Variants in MYH6 observed in about 807,000 individuals in gnomAD.
MYH6 encodes the protein myosin-6.
MYH6 carries 126 observed loss-of-function variants against 223.2 expected under a neutral mutation model. The observed-to-expected ratio is 0.56, with a 90% CI of 0.49 to 0.65. The LOEUF (loss-of-function observed/expected upper bound fraction) is 0.65, where lower values mean the gene tolerates loss of function less well. Among genes scored for constraint, MYH6 ranks in the 30% least tolerant of loss-of-function variants. The pLI, the probability that MYH6 is intolerant of heterozygous loss-of-function variation, is 0.00. For synonymous variants in MYH6, 978 were observed against 1,010.2 expected, an observed-to-expected ratio of 0.97 and a Z score of 0.61; for missense variants, 2,040 against 2,536.4, an observed-to-expected ratio of 0.80 and a Z score of 4.20.
intron 25 of MYH6, among the ~76,000 whole-genome samples, chr14:23,392,236 G>C (rs976224512): frequency 2.0e-5 from 3 of 151,918 alleles, no homozygotes; most frequent in African/African-American, 4.8e-5. Flanking sequence ...GCGTTCAGAG[G>C]GCTGAACTAC....
chr14:23,407,308 C>T lies in MYH6; in HGVS notation c.-13-72G>A. 1.3e-6 allele frequency: 2 copies of T among 1,545,042 alleles called. No homozygotes were observed. Among genetic ancestry groups the T allele is most frequent in the Non-Finnish European group, 1.8e-6 (2 of 1,125,300 alleles). ...CTCCAGCGAGTGGCTTTGTCCTCTG[C>T]AGCCCCCCTCCCTACCCCCGCTCCT... is the stretch of plus-strand genomic sequence containing the variant. On this transcript the variant is annotated intron_variant, in intron 2 of 38. Transcript: ENST00000405093. This position sits in a 1 kb window ranked among gnomAD's most constrained non-coding sequence, Gnocchi z 5.6.
chr14:23,387,699 C>A, intron 31 of MYH6, 46 bp from the exon 32 acceptor site: 2 of 1,614,106 alleles, frequency 1.2e-6, no homozygotes, highest in Non-Finnish European at 1.7e-6. Flanking sequence ...GTTCCCCCTG[C>A]CCCTGCATGG....
rs749113806 is a variant in MYH6, at chr14:23,389,071, G to A, written c.3979-16C>T. The stretch of plus-strand genomic sequence containing the variant: ...CGTTCTTCGCCTGGGGAGGGGGGGG[G>A]GCACCAGGAGGTGGGAGGGACTCCC... On this transcript the variant is annotated splice_polypyrimidine_tract_variant and intron_variant, in intron 28 of 38. Coordinates refer to ENST00000405093, the MANE Select transcript of MYH6 (RefSeq NM_002471.4). 23 of 1,313,788 alleles carry A rather than the reference G, an allele frequency of 1.8e-5. No individual in the cohort carries two copies. The highest frequency in any genetic ancestry group is 1.1e-4 in the South Asian group (9 of 82,354). 81.4% of individuals were successfully genotyped at this position (1,313,788 alleles called of 1,614,324 possible). A position where few individuals can be genotyped will look rare whatever the true frequency, so the allele number is the denominator to read the frequency against.
chr14:23,389,747 G>C, intron 26 of MYH6, 28 bp from the exon 27 acceptor site: 3 of 1,614,200 alleles, frequency 1.9e-6, no homozygotes, highest in Non-Finnish European at 2.5e-6. Flanking sequence ...GGAAGGGTGA[G>C]TGTGGGAGGG....
Position 23,396,336 on chromosome 14 carries a change from G to A in MYH6, c.2377C>T (p.Gln793Ter). 2 of 1,614,144 alleles carry A rather than the reference G, an allele frequency of 1.2e-6. No homozygotes were observed. Among genetic ancestry groups the A allele is most frequent in the Non-Finnish European group, 1.7e-6 (2 of 1,180,040 alleles). ...LSRIITRMQAQARGQLMRIEF... is the reference protein window; with the variant it reads ...LSRIITRMQA ...ATGCGCATGAGCTGGCCCCGGGCTT[G>A]GGCCTGCATGCGCGTGATGATGCGG... Residue 793 changes from glutamine to a stop codon, truncating the protein, a stop_gained, in exon 20 of 39, where the codon CAA (glutamine) becomes TAA (stop). Coordinates refer to ENST00000405093, the MANE Select transcript of MYH6 (RefSeq NM_002471.4). LOFTEE classifies it high-confidence loss of function.
Position 23,383,339 on chromosome 14 carries a change from G to GGGGGGGGGCCCCCCCCC in MYH6, c.5566-20_5566-19insGGGGGGGGGCCCCCCCC. 2.8e-5 allele frequency: 3 copies of GGGGGGGGGCCCCCCCCC among 108,130 alleles called. No homozygotes were observed. The highest frequency in any genetic ancestry group is 3.2e-3 in the Middle Eastern group (1 of 314). 6.7% of individuals were successfully genotyped at this position (108,130 alleles called of 1,614,324 possible). A position where few individuals can be genotyped will look rare whatever the true frequency, so the allele number is the denominator to read the frequency against. On this transcript the variant is annotated intron_variant, in intron 36 of 38. Transcript: ENST00000405093. Reference sequence around the variant, plus strand: ...CCTCTGTCTGGGGGTGGGAGGGTGGGAGAAGCTGGTTTGGAGGGGGAGCAA... The same window carrying GGGGGGGGGCCCCCCCCC: ...CCTCTGTCTGGGGGTGGGAGGGTGGGGGGGGGGGCCCCCCCCCAGAAGCTGGTTTGGAGGGGGAGCAA...
intron 15 of MYH6, 54 bp downstream of exon 15, chr14:23,398,674 G>A: frequency 1.9e-6 from 3 of 1,588,690 alleles, no homozygotes; most frequent in Admixed American, 3.3e-5. Context: ...GCAGGACCCT[G>A]GCCCTTTGTG....
intron 15 of MYH6, 132 bp from the exon 16 acceptor site, chr14:23,397,745 A>G (rs1712735332): frequency 1.0e-6 from 1 of 959,682 alleles, no homozygotes; most frequent in South Asian, 1.4e-5. Context: ...TCAGTTTACC[A>G]TGAGGATGAC....
chr14:23,393,104 A>G (rs1448066905), intron 23 of MYH6, 47 bp from the exon 24 acceptor site: 3 of 1,611,920 alleles, frequency 1.9e-6, no homozygotes, highest in African/African-American at 1.3e-5. Flanking sequence ...CATGAAATCC[A>G]TAGTGTATGC....
In MYH6 at chr14:23,400,841, C is replaced by T. The variant is rs746470514; in HGVS notation, c.1278G>A (p.Gly426=). Residue 426 remains glycine, a synonymous_variant, in exon 13 of 39, where the codon GGG becomes GGA. Coordinates refer to ENST00000405093, the MANE Select transcript of MYH6 (RefSeq NM_002471.4). ...QSVQQVYYSI[G]ALAKAVYEKM... ...TCTCATACACTGCCTTGGCCAGAGC[C>T]CCGATGGAGTAGTACACCTGCTGCA... The T allele has an allele frequency of 6.8e-6, 11 of 1,614,050 alleles. No homozygotes were observed. In the African/African-American group the frequency reaches 1.5e-4, roughly 22 times the overall value.
Position 23,405,697 on chromosome 14 carries a change from A to G in MYH6, c.275T>C (p.Met92Thr), listed in dbSNP as rs756371897. Residue 92 changes from methionine (M) to threonine (T), a missense_variant, in exon 4 of 39, where the codon ATG becomes ACG. Around this residue, in one of 4 missense-constraint regions of MYH6, gnomAD observed 184 missense variants for 232.4 expected, o/e 0.79. Coordinates refer to ENST00000405093, the MANE Select transcript of MYH6 (RefSeq NM_002471.4). This position sits in a 1 kb window ranked among gnomAD's most constrained non-coding sequence, Gnocchi z 4.7. ...CGCGGGCTCGTGCAGGAAGGTCAGC[A>G]TGGCCATGTCCTCAATCTTGTCGAA... is the stretch of plus-strand genomic sequence containing the variant. ...PKFDKIEDMA[M>T]LTFLHEPAVL... The G allele has an allele frequency of 8.7e-6, 14 of 1,614,050 alleles. 1 individual carries two copies. In the South Asian group the frequency reaches 1.2e-4, roughly 14 times the overall value.
chr14:23,406,033 C>A (rs987217635), intron 3 of MYH6, among the ~76,000 whole-genome samples: 2 of 152,120 alleles, frequency 1.3e-5, no homozygotes, highest in African/African-American at 4.8e-5. Context: ...ACACCCTGTG[C>A]CCATGACCAT....
chr14:23,399,646 TTC>T (rs1263646972), intron 14 of MYH6: 1 of 191,132 alleles, frequency 5.2e-6, no homozygotes, highest in African/African-American at 2.4e-5. Context: ...TTTTATGGCA[TTC>T]TGAGGGCTCT....
intron 12 of MYH6, 124 bp from the exon 13 acceptor site, chr14:23,401,101 G>C: frequency 6.8e-7 from 1 of 1,468,908 alleles, no homozygotes; most frequent in Non-Finnish European, 9.2e-7. Flanking sequence ...CCACCTCCTG[G>C]GTTCAAGTGA....
intron 28 of MYH6, 152 bp downstream of exon 28, chr14:23,389,241 A>G: frequency 8.7e-7 from 1 of 1,153,986 alleles, no homozygotes; most frequent in Non-Finnish European, 1.2e-6. Context: ...GAAAAGAGGC[A>G]TTAAATGACG....
At position 23,396,980 on chromosome 14, in the gene MYH6, G is replaced by A. The variant is rs76202964; in HGVS notation, c.2151C>T (p.Tyr717=). The part of the protein sequence containing the change: ...CRKGFPNRIL[Y]GDFRQRYRIL... Reference sequence around the variant, plus strand: ...ATACCCACCTCTGCCGGAAGTCCCCGTAGAGGATGCGGTTGGGGAAGCCCT... The same window carrying A: ...ATACCCACCTCTGCCGGAAGTCCCCATAGAGGATGCGGTTGGGGAAGCCCT... The change falls in exon 18 of 39, where the codon TAC becomes TAT. Residue 717 remains tyrosine, a synonymous_variant. Transcript: ENST00000405093. The A allele has an allele frequency of 0.015, 24,644 of 1,613,146 alleles. 491 individuals are homozygous for A. Among genetic ancestry groups the A allele is most frequent in the East Asian group, 0.085 (3,834 of 44,882 alleles).
chr14:23,389,083 TG>T, intron 28 of MYH6, 28 bp from the exon 29 acceptor site: 1 of 1,535,358 alleles, frequency 6.5e-7, no homozygotes, highest in Non-Finnish European at 8.9e-7. Flanking sequence ...CACCAGGAGG[TG>T]GGAGGGACTC....
rs138572790 is a variant in MYH6 at position 23,402,598 on chromosome 14, G to C, written c.1007C>G (p.Ala336Gly). 110 of 1,613,644 alleles carry C rather than the reference G, an allele frequency of 6.8e-5. No homozygotes were observed. Among genetic ancestry groups the C allele is most frequent in the Non-Finnish European group, 8.9e-5 (105 of 1,179,966 alleles). ...DSEELMATDS[A>G]FDVLGFTSEE... ...TGAAGTGAAGCCCAGCACGTCAAAGGCACTCTGGGACAGAGCGAGAGACAA... is the reference window on the plus strand; with the variant it reads ...TGAAGTGAAGCCCAGCACGTCAAAGCCACTCTGGGACAGAGCGAGAGACAA... Residue 336 changes from alanine to glycine, a missense_variant, in exon 12 of 39, where the codon GCC (alanine) becomes GGC (glycine). Coordinates refer to ENST00000405093, the MANE Select transcript of MYH6 (RefSeq NM_002471.4).
rs752345245 is a variant in MYH6, at chr14:23,394,068, C to T, written c.2685G>A (p.Ala895=). The T allele has an allele frequency of 1.0e-4, 162 of 1,613,984 alleles. No individual in the cohort carries two copies. Among genetic ancestry groups the T allele is most frequent in the South Asian group, 9.8e-4 (89 of 91,084 alleles). The stretch of plus-strand genomic sequence containing the variant: ...TGAAGAGATAATCACGTGGCCTCAC[C>T]GCCTGCACTTGGAGCTGCAGGTCAT... ...EKNDLQLQVQ[A]EQDNLNDAEE... Residue 895 remains alanine (A), a splice_region_variant and synonymous_variant, in exon 21 of 39, where the codon GCG becomes GCA. Coordinates refer to ENST00000405093, the MANE Select transcript of MYH6 (RefSeq NM_002471.4).
Sources: gnomAD v4.1 joint callset for allele counts (sites outside exome capture counted in the v4.1 genomes callset) on GRCh38, gnomAD v4.1.1 for gene constraint, gnomAD v4.1.1 regional missense constraint, Gnocchi (gnomAD v3.1) non-coding constraint, MANE v1.5 for transcripts, NCBI Gene and HGNC (gene_info 2026-07-23, HGNC 2026-07-21) for gene names.